Variants in P3H2 observed in about 807,000 individuals in gnomAD.
P3H2 encodes the protein leprecan-like 1.
A neutral mutation model predicts 87.0 loss-of-function variants in P3H2; 80 were observed. The observed-to-expected ratio is 0.92, with a 90% CI of 0.77 to 1.11. P3H2 has a LOEUF of 1.11. Ranked by LOEUF, P3H2 falls within the 50% of genes least tolerant of loss-of-function variation. The pLI is 0.00. For missense variants in P3H2, 1,001 were observed against 923.9 expected, an observed-to-expected ratio of 1.08 and a Z score of -1.08; for synonymous variants, 367 against 359.3, an observed-to-expected ratio of 1.02 and a Z score of -0.24.
chr3:190,110,483 T>A (rs1376995856), intron 1 of P3H2, among the ~76,000 whole-genome samples: 17 of 152,204 alleles, frequency 1.1e-4, no homozygotes, highest in Admixed American at 1.1e-3. Flanking sequence ...GAAACAATGA[T>A]TGACTGTGAA....
At position 189,966,961 on chromosome 3, in the gene P3H2, G is replaced by A. The variant is rs1723024192; in HGVS notation, c.1894-2863C>T. On this transcript the variant is annotated intron_variant, in intron 13 of 14. Transcript: ENST00000319332. ...ACTTCCAGATTTTTCCAAAGTAAAG[G>A]ACTCAGAAGACGTTACTTCCTTATG... Among the ~76,000 whole-genome samples, 10 of 152,234 alleles carry A rather than the reference G, an allele frequency of 6.6e-5. No individual in the cohort carries two copies. The South Asian group carries it at 2.1e-3, about 32-fold the overall frequency.
chr3:190,078,100 C>A (rs982707704), intron 1 of P3H2, among the ~76,000 whole-genome samples: 16 of 152,212 alleles, frequency 1.1e-4, no homozygotes, highest in African/African-American at 3.6e-4. Flanking sequence ...TCCTCTCCAT[C>A]CCCTTTCTCA....
chr3:190,048,396 C>T (rs1306418563), intron 1 of P3H2, among the ~76,000 whole-genome samples: 1 of 152,114 alleles, frequency 6.6e-6, no homozygotes, highest in Non-Finnish European at 1.5e-5. Context: ...ACTTGGAAGG[C>T]TGAGGCATGA....
chr3:190,049,423 G>A (rs1725905579), intron 1 of P3H2, among the ~76,000 whole-genome samples: 2 of 152,034 alleles, frequency 1.3e-5, no homozygotes, highest in Admixed American at 1.3e-4. Context: ...CTAAATGGCA[G>A]GGGAGGGAAA....
chr3:189,995,450 GA>G lies in P3H2; in HGVS notation c.481-9del, dbSNP rs371335199. On this transcript the variant is annotated splice_polypyrimidine_tract_variant and intron_variant, in intron 1 of 14. Coordinates refer to ENST00000319332, the MANE Select transcript of P3H2 (RefSeq NM_018192.4). ...TTTTTCGAGCTGGTTAAGCTAAAGA[GA>G]AAAAAAAATGACCAAAATGAAGGCA... 50 of 1,569,352 alleles carry G rather than the reference GA, an allele frequency of 3.2e-5. No individual in the cohort carries two copies. The highest frequency in any genetic ancestry group is 6.9e-5 in the East Asian group (3 of 43,166).
At chr3:190,003,077 G>C (rs189489774) in intron 1 of P3H2, among the ~76,000 whole-genome samples, 2 of 152,330 alleles carry the variant, frequency 1.3e-5, no homozygotes, top group African/African-American at 4.8e-5. Flanking sequence ...AATTTGGTAA[G>C]GATTAAATGG....
At position 190,057,938 on chromosome 3, in the gene P3H2, A is replaced by G. The variant is rs1726210190; in HGVS notation, c.480+62314T>C. ...AGAACTAAGGCATAGCTGACCTTCA[A>G]CTTGAAGTACTCATTAATGAGAAAA... On this transcript the variant is annotated intron_variant, in intron 1 of 14. Coordinates refer to ENST00000319332, the MANE Select transcript of P3H2 (RefSeq NM_018192.4). Among the ~76,000 whole-genome samples, 3 of 152,060 alleles carry G rather than the reference A, an allele frequency of 2.0e-5. No individual in the cohort carries two copies. The South Asian group carries it at 6.2e-4, about 32-fold the overall frequency.
At chr3:190,002,869 G>A (rs994112601) in intron 1 of P3H2, among the ~76,000 whole-genome samples, 1 of 152,150 alleles carries the variant, frequency 6.6e-6, no homozygotes, top group African/African-American at 2.4e-5. Flanking sequence ...CCATAGTAAG[G>A]GAGATTTTTA....
intron 1 of P3H2, among the ~76,000 whole-genome samples, chr3:190,075,154 C>T (rs969756304): frequency 6.6e-6 from 1 of 152,104 alleles, no homozygotes; most frequent in Non-Finnish European, 1.5e-5. Flanking sequence ...GAAGAAAAGG[C>T]TAGGATATGA....
At chr3:189,970,912 C>T (rs767095272) in intron 12 of P3H2, 21 bp from the exon 13 acceptor site, 2 of 1,314,694 alleles carry the variant, frequency 1.5e-6, no homozygotes, top group Non-Finnish European at 2.2e-6. Context: ...GAAGAGAAAA[C>T]TATTTGTATT....
At chr3:190,027,631 T>G (rs1725123199) in intron 1 of P3H2, among the ~76,000 whole-genome samples, 1 of 151,704 alleles carries the variant, frequency 6.6e-6, no homozygotes, top group African/African-American at 2.4e-5. Context: ...TACCTTTTTT[T>G]TTTTTTTTAA....
At chr3:190,007,141 A>G (rs1724413056) in intron 1 of P3H2, among the ~76,000 whole-genome samples, 1 of 152,134 alleles carries the variant, frequency 6.6e-6, no homozygotes, top group South Asian at 2.1e-4. Context: ...GCCTATGATA[A>G]ACTTTATAAT....
At chr3:190,090,034 C>G (rs771907860) in intron 1 of P3H2, among the ~76,000 whole-genome samples, 2 of 151,938 alleles carry the variant, frequency 1.3e-5, no homozygotes, top group Non-Finnish European at 2.9e-5. Context: ...GCACAAAGAC[C>G]GAAGTCAATG....
rs1484764571 is a variant in P3H2, at chr3:190,008,577, T to C, written c.481-13135A>G. Among the ~76,000 whole-genome samples, 8 of 152,192 alleles carry C rather than the reference T, an allele frequency of 5.3e-5. No individual in the cohort carries two copies. In the South Asian group the frequency reaches 1.2e-3, roughly 24 times the overall value. ...ATTTTGTATATACTGTGGGTTTACATTGGCTCCCTTCCCCTTGAAATGTTA... is the reference window on the plus strand; with the variant it reads ...ATTTTGTATATACTGTGGGTTTACACTGGCTCCCTTCCCCTTGAAATGTTA... On this transcript the variant is annotated intron_variant, in intron 1 of 14. Coordinates refer to ENST00000319332, the MANE Select transcript of P3H2 (RefSeq NM_018192.4).
chr3:190,091,145 A>T (rs957260317), intron 1 of P3H2, among the ~76,000 whole-genome samples: 1 of 152,248 alleles, frequency 6.6e-6, no homozygotes, highest in African/African-American at 2.4e-5. Flanking sequence ...GCCACAAAAA[A>T]TCAAAAGCCA....
At chr3:189,963,649 G>C in intron 14 of P3H2, 1 of 328,960 alleles carries the variant, frequency 3.0e-6, no homozygotes, top group South Asian at 3.4e-5. Context: ...TCAGCATGTT[G>C]ATCAGGCTGG....
Position 189,972,950 on chromosome 3 carries a change from AATCCT to A in P3H2, c.1618_1622del (p.Arg540CysfsTer30). On this transcript the variant is annotated frameshift_variant, in exon 11 of 15. Coordinates refer to ENST00000319332, the MANE Select transcript of P3H2 (RefSeq NM_018192.4). LOFTEE classifies it high-confidence loss of function. ...AGTTCAGCATAAAATAAGATTCTAC[AATCCT>A]TCGAGCCTTTTCGCTGATGTCATAA... 1 of 1,614,068 alleles carries A rather than the reference AATCCT, an allele frequency of 6.2e-7. No homozygotes were observed. Among genetic ancestry groups the A allele is most frequent in the East Asian group, 2.2e-5 (1 of 44,878 alleles).
chr3:190,045,146 TG>T (rs1725760909), intron 1 of P3H2, among the ~76,000 whole-genome samples: 1 of 152,146 alleles, frequency 6.6e-6, no homozygotes, highest in Non-Finnish European at 1.5e-5. Context: ...TTGGCATCTC[TG>T]AGGAAAAGAA....
chr3:190,097,436 A>G lies in P3H2; in HGVS notation c.480+22816T>C, dbSNP rs142497292. Among the ~76,000 whole-genome samples the G allele has an allele frequency of 4.7e-4, 71 of 152,350 alleles. 3 individuals carry two copies. The East Asian group carries it at 0.013, about 27-fold the overall frequency. On this transcript the variant is annotated intron_variant, in intron 1 of 14. Transcript: ENST00000319332. The stretch of plus-strand genomic sequence containing the variant: ...AGAGACTGACTTATACCTACAAACA[A>G]ACAGACTGTGGACTGAAAAATAAAA...
Sources: gnomAD v4.1 joint callset for allele counts (sites outside exome capture counted in the v4.1 genomes callset) on GRCh38, gnomAD v4.1.1 for gene constraint, MANE v1.5 for transcripts, NCBI Gene and HGNC (gene_info 2026-07-23, HGNC 2026-07-21) for gene names.